The following XK variants were observed in gnomAD, a reference collection of about 807,000 sequenced individuals.
XK encodes the protein X-linked Kx blood group antigen, Kell and VPS13A binding protein.
A neutral mutation model predicts 14.0 loss-of-function variants in XK; 2 were observed. The ratio of observed to expected loss-of-function variants is 0.14; its 90% CI spans 0.06 to 0.45. The LOEUF (loss-of-function observed/expected upper bound fraction) is 0.45. XK is among the 20% of genes least tolerant of loss of function. XK has a pLI of 0.98. For missense variants in XK, 235 were observed against 341.5 expected (o/e 0.69, Z 2.46); for synonymous variants, 149 against 147.5 (o/e 1.01, Z -0.08).
chrX:37,695,168 C>G (rs1170703662), intron 2 of XK, among the ~76,000 whole-genome samples: 2 of 112,089 alleles, frequency 1.8e-5, no homozygotes, highest in African/African-American at 6.5e-5. Context: ...CCAAAAATAC[C>G]ACTGTGGCCA....
At chrX:37,691,896 A>G (rs1927209981) in intron 1 of XK, among the ~76,000 whole-genome samples, 2 of 111,306 alleles carry the variant, frequency 1.8e-5, no homozygotes, top group Admixed American at 9.5e-5. Context: ...GAGGCTCAGG[A>G]GTGAGGGTCC....
At chrX:37,709,817 A>G (rs1387554547) in intron 2 of XK, among the ~76,000 whole-genome samples, 1 of 112,008 alleles carries the variant, frequency 8.9e-6, no homozygotes, top group Admixed American at 9.5e-5. Context: ...GTGCATAGGT[A>G]GGAAAACATT....
chrX:37,689,182 A>G (rs782723389), intron 1 of XK, among the ~76,000 whole-genome samples: 23 of 112,224 alleles, frequency 2.0e-4, no homozygotes, highest in Admixed American at 3.8e-4. Flanking sequence ...CAGCTGATTT[A>G]TTTCAAGGAG....
intron 1 of XK, among the ~76,000 whole-genome samples, chrX:37,690,791 T>C (rs1339380073): frequency 2.7e-5 from 3 of 112,332 alleles, no homozygotes; most frequent in African/African-American, 9.7e-5. Context: ...GAAAATTTGC[T>C]GTCCCTTGGT....
At chrX:37,727,272 C>A (rs782367904) in intron 2 of XK, among the ~76,000 whole-genome samples, 1 of 111,397 alleles carries the variant, frequency 9.0e-6, no homozygotes, top group East Asian at 2.9e-4. Context: ...AGAAGTTAAT[C>A]CAAAGAGCAA....
chrX:37,715,438 T>A (rs1479858923), intron 2 of XK, among the ~76,000 whole-genome samples: 1 of 112,027 alleles, frequency 8.9e-6, no homozygotes, highest in Non-Finnish European at 1.9e-5. Flanking sequence ...ATTATAGTTT[T>A]GAGAACTATA....
intron 2 of XK, among the ~76,000 whole-genome samples, chrX:37,701,843 C>T (rs868939638): frequency 4.1e-5 from 4 of 97,431 alleles, no homozygotes; most frequent in Non-Finnish European, 7.6e-5. Flanking sequence ...TATGGAGAGA[C>T]AGGAGAGTGC....
intron 2 of XK, among the ~76,000 whole-genome samples, chrX:37,697,876 G>A (rs995072367): frequency 6.3e-5 from 7 of 111,823 alleles, no homozygotes; most frequent in Admixed American, 1.9e-4. Context: ...TGTCTCTATG[G>A]ATTTGACTAT....
At chrX:37,694,587 A>C (rs1556442230) in intron 2 of XK, 39 bp downstream of exon 2, 1 of 1,173,455 alleles carries the variant, frequency 8.5e-7, no homozygotes, top group Admixed American at 2.5e-5. Context: ...TTTGGGGATC[A>C]AAATGAGAAG....
At chrX:37,724,508 C>T (rs1556449632) in intron 2 of XK, among the ~76,000 whole-genome samples, 1 of 111,389 alleles carries the variant, frequency 9.0e-6, no homozygotes, top group African/African-American at 3.2e-5. Flanking sequence ...TGAAATGGCT[C>T]ACAGACCTAA....
intron 2 of XK, among the ~76,000 whole-genome samples, chrX:37,724,118 C>T (rs782199621): frequency 3.6e-5 from 4 of 111,383 alleles, no homozygotes; most frequent in Non-Finnish European, 7.6e-5. Context: ...GCTTCTCTCC[C>T]AGGCAAATAA....
intron 2 of XK, among the ~76,000 whole-genome samples, chrX:37,697,804 C>A (rs906577836): frequency 2.7e-5 from 3 of 112,219 alleles, no homozygotes; most frequent in Non-Finnish European, 5.6e-5. Flanking sequence ...GTCCCCTATT[C>A]ATTAACAGTC....
In XK at chrX:37,717,123, C is replaced by T. The variant is rs369049213; in HGVS notation, c.509-10513C>T. On this transcript the variant is annotated intron_variant, in intron 2 of 2. Coordinates refer to ENST00000378616, the MANE Select transcript of XK (RefSeq NM_021083.4). ...AAGAATTGGACAAATCCTCAAAGTA[C>T]GCTTGGTGGATTCTCCAGACTCCTT... Among the ~76,000 whole-genome samples the T allele has an allele frequency of 7.2e-5, 8 of 111,746 alleles. No individual in the cohort carries two copies. The East Asian group carries it at 1.1e-3, about 16-fold the overall frequency.
rs5963929 is a variant in XK, at chrX:37,688,778, A to G, written c.245+2572A>G. 5.3e-3 allele frequency among the ~76,000 whole-genome samples: 590 copies of G among 111,983 alleles called. 7 individuals carry two copies. The highest frequency in any genetic ancestry group is 0.018 in the African/African-American group (568 of 30,830). ...CGAAGAGTAACCCAAGACAAAGCTA[A>G]TGACATAATATATATAAAAACAGGA... is the stretch of plus-strand genomic sequence containing the variant. On this transcript the variant is annotated intron_variant, in intron 1 of 2. Coordinates refer to ENST00000378616, the MANE Select transcript of XK (RefSeq NM_021083.4).
In XK at chrX:37,730,131, T is replaced by A. The variant is rs1189954127; in HGVS notation, c.*1669T>A. On this transcript the variant is annotated 3_prime_UTR_variant, in exon 3 of 3. Coordinates refer to ENST00000378616, the MANE Select transcript of XK (RefSeq NM_021083.4). Reference sequence around the variant, plus strand: ...TTTATCAATATTTGTGGTTTAACTTTGTGGGGGTGTCCAGGCAGTAGATCA... The same window carrying A: ...TTTATCAATATTTGTGGTTTAACTTAGTGGGGGTGTCCAGGCAGTAGATCA... 8.9e-6 allele frequency: 1 copy of A among 111,846 alleles called. No individual in the cohort carries two copies. Among genetic ancestry groups the A allele is most frequent in the Admixed American group, 9.5e-5 (1 of 10,557 alleles). 9.2% of individuals were successfully genotyped at this position (111,846 alleles called of 1,213,427 possible).
intron 2 of XK, among the ~76,000 whole-genome samples, chrX:37,708,012 C>A (rs781976114): frequency 1.3e-4 from 15 of 112,550 alleles, no homozygotes; most frequent in African/African-American, 4.8e-4. Context: ...GAGACCAGCC[C>A]GGCCAACACA....
chrX:37,706,016 A>C (rs985342387), intron 2 of XK, among the ~76,000 whole-genome samples: 1 of 110,436 alleles, frequency 9.1e-6, no homozygotes, highest in Non-Finnish European at 1.9e-5. Flanking sequence ...CATCAATACT[A>C]ACAGCAACAA....
intron 2 of XK, among the ~76,000 whole-genome samples, chrX:37,704,547 A>G (rs951473614): frequency 9.0e-6 from 1 of 110,593 alleles, no homozygotes; most frequent in Admixed American, 9.5e-5. Flanking sequence ...TTAAAAAAAA[A>G]AGTATCAGCC....
chrX:37,720,634 TG>T (rs1927852418), intron 2 of XK, among the ~76,000 whole-genome samples: 1 of 110,913 alleles, frequency 9.0e-6, no homozygotes, highest in East Asian at 2.8e-4. Context: ...TAATGTACAT[TG>T]TACATTAAGT....
Sources: gnomAD v4.1 joint callset for allele counts (sites outside exome capture counted in the v4.1 genomes callset) on GRCh38, gnomAD v4.1.1 for gene constraint, MANE v1.5 for transcripts, NCBI Gene and HGNC (gene_info 2026-07-23, HGNC 2026-07-21) for gene names.